EXT1: variants seen among roughly 807,000 people sequenced by gnomAD.
EXT1 encodes exostosin-1.
Under a neutral mutation model 82.5 loss-of-function variants are expected in EXT1, and 20 were observed. The observed-to-expected ratio is 0.24, with a 90% confidence interval of 0.17 to 0.35. EXT1 has a LOEUF of 0.35. Among genes scored for constraint, EXT1 ranks in the 10% least tolerant of loss-of-function variants. The pLI is 1.00. For synonymous variants in EXT1, 348 were observed against 350.8 expected (o/e 0.99, Z 0.09); for missense variants, 757 against 936.5 (o/e 0.81, Z 2.50).
At chr8:118,094,029 G>A (rs748840971) in intron 1 of EXT1, among the ~76,000 whole-genome samples, 1 of 152,188 alleles carries the variant, frequency 6.6e-6, no homozygotes, top group Non-Finnish European at 1.5e-5. Context: ...TGGCTACCTG[G>A]ATTGCTAGAA....
intron 1 of EXT1, among the ~76,000 whole-genome samples, chr8:118,018,302 G>A (rs1816036698): frequency 6.6e-6 from 1 of 152,036 alleles, no homozygotes; most frequent in African/African-American, 2.4e-5. Context: ...GGGAAAAATT[G>A]GAAAAACACA....
chr8:117,948,910 G>T (rs1191313182), intron 1 of EXT1, among the ~76,000 whole-genome samples: 1 of 152,094 alleles, frequency 6.6e-6, no homozygotes, highest in Non-Finnish European at 1.5e-5. Context: ...CACATATTCT[G>T]CATCTTAAAT....
At chr8:118,049,483 A>C (rs1251041446) in intron 1 of EXT1, among the ~76,000 whole-genome samples, 1 of 152,182 alleles carries the variant, frequency 6.6e-6, no homozygotes, top group African/African-American at 2.4e-5. Flanking sequence ...CTAATAACAC[A>C]TGGAAAAGAG....
intron 1 of EXT1, among the ~76,000 whole-genome samples, chr8:118,007,052 C>A (rs1003816635): frequency 1.3e-5 from 2 of 152,178 alleles, no homozygotes; most frequent in Non-Finnish European, 2.9e-5. Flanking sequence ...AATCCCAGCA[C>A]TTTGGGAGGC....
chr8:118,095,439 G>T (rs1324647241), intron 1 of EXT1, among the ~76,000 whole-genome samples: 2 of 152,156 alleles, frequency 1.3e-5, no homozygotes, highest in African/African-American at 2.4e-5. Context: ...AAGACTGACT[G>T]CCCTGCATTG....
chr8:117,846,898 T>C (rs1216002921), intron 1 of EXT1, among the ~76,000 whole-genome samples: 1 of 152,054 alleles, frequency 6.6e-6, no homozygotes, highest in East Asian at 1.9e-4. Flanking sequence ...ATGCCCCTCT[T>C]TCCTTCTTTT....
At chr8:117,889,287 C>T (rs1193446919) in intron 1 of EXT1, among the ~76,000 whole-genome samples, 1 of 152,164 alleles carries the variant, frequency 6.6e-6, no homozygotes, top group African/African-American at 2.4e-5. Context: ...GCCACTATTT[C>T]CTTGAGTTTT....
chr8:117,937,479 T>C (rs1036769752), intron 1 of EXT1, among the ~76,000 whole-genome samples: 3 of 152,224 alleles, frequency 2.0e-5, no homozygotes, highest in African/African-American at 7.2e-5. Context: ...CGCCCTGATT[T>C]ATGAAGTCTG....
At chr8:118,046,204 A>C (rs1254445392) in intron 1 of EXT1, among the ~76,000 whole-genome samples, 5 of 150,952 alleles carry the variant, frequency 3.3e-5, no homozygotes, top group Non-Finnish European at 7.4e-5. Context: ...TTTCCCATTC[A>C]CACACCTCTG....
intron 4 of EXT1, among the ~76,000 whole-genome samples, chr8:117,826,057 T>G (rs189859273): frequency 2.0e-5 from 3 of 152,208 alleles, no homozygotes; most frequent in African/African-American, 7.2e-5. Context: ...GTTTTTTCAT[T>G]GTCCTCATTG....
intron 1 of EXT1, among the ~76,000 whole-genome samples, chr8:117,923,863 G>T (rs1371557216): frequency 6.6e-6 from 1 of 152,182 alleles, no homozygotes; most frequent in Non-Finnish European, 1.5e-5. Context: ...TTCCAAAGCT[G>T]CATCTTGGCT....
chr8:117,933,129 T>C (rs887305661), intron 1 of EXT1, among the ~76,000 whole-genome samples: 4 of 152,156 alleles, frequency 2.6e-5, no homozygotes, highest in Non-Finnish European at 5.9e-5. Flanking sequence ...CCAAAGTCTC[T>C]CTTGAAGAGG....
At chr8:118,103,567 T>G (rs898813892) in intron 1 of EXT1, among the ~76,000 whole-genome samples, 1 of 152,138 alleles carries the variant, frequency 6.6e-6, no homozygotes, top group Non-Finnish European at 1.5e-5. Flanking sequence ...GCCTTTCATT[T>G]CTATTCTATT....
chr8:117,918,773 A>G (rs932929581), intron 1 of EXT1, among the ~76,000 whole-genome samples: 1 of 152,236 alleles, frequency 6.6e-6, no homozygotes, highest in Non-Finnish European at 1.5e-5. Context: ...ATGGAATGGA[A>G]AAACAACCAA....
chr8:117,885,494 C>CAAAAAAAAA (rs11300586), intron 1 of EXT1, among the ~76,000 whole-genome samples: 29 of 103,382 alleles, frequency 2.8e-4, no homozygotes, highest in East Asian at 8.7e-4. Context: ...AAGTAACAGA[C>CAAAAAAAAA]AAAAAAAAAA....
chr8:118,043,314 C>T (rs1279248813), intron 1 of EXT1, among the ~76,000 whole-genome samples: 2 of 152,174 alleles, frequency 1.3e-5, no homozygotes, highest in African/African-American at 2.4e-5. Context: ...ATTTTTAAAA[C>T]GAAGAGACAC....
intron 1 of EXT1, among the ~76,000 whole-genome samples, chr8:117,899,939 C>T (rs1182252535): frequency 1.3e-5 from 2 of 152,138 alleles, no homozygotes; most frequent in East Asian, 3.9e-4. Context: ...AAAAGAGCCC[C>T]CTGATGAGCT....
chr8:117,825,931 C>T (rs2129758697), intron 4 of EXT1, among the ~76,000 whole-genome samples: 1 of 152,316 alleles, frequency 6.6e-6, no homozygotes, highest in East Asian at 1.9e-4. Flanking sequence ...ATCTCAGGCA[C>T]TTTCTTTCAC....
chr8:117,849,322 G>T (rs1204892539), intron 1 of EXT1, among the ~76,000 whole-genome samples: 1 of 152,208 alleles, frequency 6.6e-6, no homozygotes, highest in Non-Finnish European at 1.5e-5. Flanking sequence ...TATACTGCAT[G>T]AGAGAAGGGA....
Sources: gnomAD v4.1 joint callset for allele counts (sites outside exome capture counted in the v4.1 genomes callset) on GRCh38, gnomAD v4.1.1 for gene constraint, MANE v1.5 for transcripts, NCBI Gene and HGNC (gene_info 2026-07-23, HGNC 2026-07-21) for gene names.